The following ZHX2 variants were observed in gnomAD, a reference collection of about 807,000 sequenced individuals.
ZHX2 encodes zinc fingers and homeoboxes 2, also known as zinc fingers and homeoboxes protein 2.
A neutral mutation model predicts 21.9 loss-of-function variants in ZHX2; 6 were observed. The ratio of observed to expected loss-of-function variants is 0.27; its 90% confidence interval spans 0.15 to 0.54. The LOEUF is 0.54. Among genes scored for constraint, ZHX2 ranks in the 20% least tolerant of loss-of-function variants. The pLI is 0.95. For synonymous variants in ZHX2, 434 were observed against 437.1 expected, an observed-to-expected ratio of 0.99 and a Z score of 0.09; for missense variants, 908 against 1,090.7, an observed-to-expected ratio of 0.83 and a Z score of 2.36.
intron 1 of ZHX2, among the ~76,000 whole-genome samples, chr8:122,837,844 A>C (rs762756448): frequency 3.3e-5 from 5 of 152,224 alleles, no homozygotes; most frequent in Non-Finnish European, 7.3e-5. Flanking sequence ...GAGAAGAAAG[A>C]GACTGACTTC....
intron 1 of ZHX2, among the ~76,000 whole-genome samples, chr8:122,832,160 G>A (rs1417152356): frequency 6.6e-6 from 1 of 152,330 alleles, no homozygotes; most frequent in South Asian, 2.1e-4. Context: ...AGCGTGGCCG[G>A]GTTTAGATGG....
intron 1 of ZHX2, among the ~76,000 whole-genome samples, chr8:122,794,636 G>A (rs1817585534): frequency 1.3e-5 from 2 of 152,122 alleles, no homozygotes; most frequent in South Asian, 4.1e-4. Flanking sequence ...CTGACCCATA[G>A]GATCAAGTCC....
intron 1 of ZHX2, among the ~76,000 whole-genome samples, chr8:122,847,343 C>T (rs1303255000): frequency 1.3e-5 from 2 of 152,202 alleles, no homozygotes; most frequent in African/African-American, 2.4e-5. Context: ...CTGTCCTCCC[C>T]GCCCTGCCTC....
At position 122,806,088 on chromosome 8, in the gene ZHX2, C is replaced by T. The variant is rs1817817296; in HGVS notation, c.-283+24142C>T. ...TTCTTATTCCTATCAGATTAATCAT[C>T]ACGCACACACATGACTATAATTGCC... On this transcript the variant is annotated intron_variant, in intron 1 of 3. Coordinates refer to ENST00000314393, the MANE Select transcript of ZHX2 (RefSeq NM_014943.5). 3.3e-5 allele frequency among the ~76,000 whole-genome samples: 5 copies of T among 152,314 alleles called. No individual in the cohort carries two copies. In the South Asian group the frequency reaches 1.0e-3, roughly 32 times the overall value.
intron 1 of ZHX2, among the ~76,000 whole-genome samples, chr8:122,858,448 G>T (rs1819082740): frequency 6.6e-6 from 1 of 152,116 alleles, no homozygotes; most frequent in African/African-American, 2.4e-5. Flanking sequence ...GGCCAAAAGG[G>T]AATATGCGGG....
intron 2 of ZHX2, among the ~76,000 whole-genome samples, chr8:122,929,681 A>T (rs1820937116): frequency 6.6e-6 from 1 of 151,656 alleles, no homozygotes; most frequent in Non-Finnish European, 1.5e-5. Context: ...ATTCCCCTGG[A>T]AAAGGCTAAA....
chr8:122,939,585 A>G (rs899568826), intron 2 of ZHX2, among the ~76,000 whole-genome samples: 2 of 152,206 alleles, frequency 1.3e-5, no homozygotes, highest in East Asian at 1.9e-4. Context: ...AGGGAGACCA[A>G]CTACCTCCTC....
intron 2 of ZHX2, among the ~76,000 whole-genome samples, chr8:122,940,973 T>C (rs1812828965): frequency 6.6e-6 from 1 of 151,874 alleles, no homozygotes; most frequent in Non-Finnish European, 1.5e-5. Context: ...CTCCCACCTT[T>C]AATCCCAGCA....
chr8:122,956,518 A>T (rs1175079914), intron 3 of ZHX2, among the ~76,000 whole-genome samples: 1 of 152,138 alleles, frequency 6.6e-6, no homozygotes, highest in Non-Finnish European at 1.5e-5. Context: ...GATGAGAAGG[A>T]GTTAGCCAAG....
At chr8:122,781,551 G>C (rs1010459654), upstream of ZHX2, 1 of 152,584 alleles carries the variant, frequency 6.6e-6, no homozygotes, top group African/African-American at 2.4e-5. This position sits in a 1 kb window ranked among gnomAD's most constrained non-coding sequence, Gnocchi z 4.6. Context: ...CGGTGTCTCC[G>C]GAGGGGGCTG....
intron 2 of ZHX2, among the ~76,000 whole-genome samples, chr8:122,921,519 A>C (rs943394794): frequency 3.3e-5 from 5 of 152,162 alleles, no homozygotes; most frequent in African/African-American, 1.2e-4. Context: ...TGCTCTCGCC[A>C]CAAAAAAGAA....
intron 1 of ZHX2, among the ~76,000 whole-genome samples, chr8:122,811,451 G>A (rs1032462092): frequency 5.3e-5 from 8 of 152,192 alleles, no homozygotes; most frequent in African/African-American, 1.9e-4. Context: ...TATGATGCAG[G>A]TTCACTGGCT....
chr8:122,832,076 A>G (rs1352328224), intron 1 of ZHX2, among the ~76,000 whole-genome samples: 1 of 152,166 alleles, frequency 6.6e-6, no homozygotes, highest in Non-Finnish European at 1.5e-5. Flanking sequence ...AGGTTTGGAA[A>G]AGGTATAAGG....
intron 2 of ZHX2, among the ~76,000 whole-genome samples, chr8:122,881,555 T>A (rs1301007016): frequency 6.6e-6 from 1 of 152,228 alleles, no homozygotes; most frequent in Non-Finnish European, 1.5e-5. Flanking sequence ...TTGGTAAATA[T>A]TACCTATTTA....
intron 2 of ZHX2, among the ~76,000 whole-genome samples, chr8:122,949,344 A>G (rs1813054046): frequency 6.6e-6 from 1 of 152,194 alleles, no homozygotes; most frequent in Non-Finnish European, 1.5e-5. Context: ...AAGGAAAATG[A>G]TAGACTGGGA....
At chr8:122,937,415 G>A (rs891703681) in intron 2 of ZHX2, among the ~76,000 whole-genome samples, 5 of 152,146 alleles carry the variant, frequency 3.3e-5, no homozygotes, top group African/African-American at 1.2e-4. Context: ...TGTTAAATCT[G>A]AGGTCTATGT....
chr8:122,941,686 T>C (rs759635056), intron 2 of ZHX2, among the ~76,000 whole-genome samples: 64 of 150,672 alleles, frequency 4.2e-4, no homozygotes, highest in Non-Finnish European at 7.1e-4. Context: ...AAAATGTAGC[T>C]GTGAACATCT....
intron 1 of ZHX2, among the ~76,000 whole-genome samples, chr8:122,792,358 T>G (rs956517402): frequency 3.9e-5 from 6 of 152,242 alleles, no homozygotes; most frequent in Admixed American, 1.3e-4. Flanking sequence ...CCACATTTTG[T>G]TAGCCATTCA....
intron 1 of ZHX2, among the ~76,000 whole-genome samples, chr8:122,794,939 C>T (rs1253766546): frequency 6.6e-6 from 1 of 152,214 alleles, no homozygotes; most frequent in Admixed American, 6.5e-5. Context: ...TGGAAATAAC[C>T]TGTTAGAAAT....
Sources: allele counts gnomAD v4.1 joint callset (sites outside exome capture counted in the v4.1 genomes callset), GRCh38; gene constraint gnomAD v4.1.1; non-coding constraint Gnocchi (gnomAD v3.1); transcripts MANE v1.5; gene names NCBI Gene and HGNC (gene_info 2026-07-23, HGNC 2026-07-21).